Variants in PLEKHA6 observed in about 807,000 individuals in gnomAD.
The protein encoded by PLEKHA6 is pleckstrin homology domain-containing family A member 6.
PLEKHA6 carries 60 observed loss-of-function variants against 116.7 expected under a neutral mutation model. The ratio of observed to expected loss-of-function variants is 0.51; its 90% confidence interval spans 0.42 to 0.64. The LOEUF is 0.64. Among genes scored for constraint, PLEKHA6 ranks in the 30% least tolerant of loss-of-function variants. PLEKHA6 has a pLI of 0.00. For synonymous variants in PLEKHA6, 489 were observed against 556.1 expected, an observed-to-expected ratio of 0.88 and a Z score of 1.70; for missense variants, 1,338 against 1,422.7, an observed-to-expected ratio of 0.94 and a Z score of 0.96.
intron 1 of PLEKHA6, among the ~76,000 whole-genome samples, chr1:204,338,825 C>T (rs905192638): frequency 1.3e-5 from 2 of 152,182 alleles, no homozygotes; most frequent in Admixed American, 1.3e-4. Context: ...ATGGCCTCTC[C>T]TAAGGCAGAC....
At chr1:204,265,966 G>T (rs546905241) in intron 5 of PLEKHA6, among the ~76,000 whole-genome samples, 91 of 152,280 alleles carry the variant, frequency 6.0e-4, no homozygotes, top group African/African-American at 2.1e-3. Context: ...CAGTGGGGGG[G>T]ACAATTATGA....
chr1:204,301,360 G>C, intron 1 of PLEKHA6: 13 of 968,486 alleles, frequency 1.3e-5, no homozygotes, highest in Non-Finnish European at 1.6e-5. Context: ...CATGGGACAG[G>C]GGAGAGGATT....
intron 1 of PLEKHA6, chr1:204,297,906 T>A: frequency 2.0e-6 from 2 of 985,172 alleles, no homozygotes; most frequent in Non-Finnish European, 2.4e-6. Flanking sequence ...GAAGACGGCA[T>A]CTTGATCTAG....
At chr1:204,377,893 A>T (rs1214840826), upstream of PLEKHA6, 2 of 152,166 alleles carry the variant, frequency 1.3e-5, no homozygotes, top group Admixed American at 6.5e-5. Flanking sequence ...GCAAGCGCTT[A>T]ACCCTGGCCG....
At chr1:204,328,731 G>A (rs544164511) in intron 1 of PLEKHA6, among the ~76,000 whole-genome samples, 28 of 152,336 alleles carry the variant, frequency 1.8e-4, no homozygotes, top group African/African-American at 6.5e-4. Context: ...TCCCTGTGCA[G>A]TGTCTGCACA....
intron 1 of PLEKHA6, among the ~76,000 whole-genome samples, chr1:204,342,788 C>CAA: frequency 6.6e-6 from 1 of 152,204 alleles, no homozygotes; most frequent in Non-Finnish European, 1.5e-5. Context: ...AGGAAGTTCC[C>CAA]AACAGTAAGT....
intron 1 of PLEKHA6, chr1:204,313,745 G>A: frequency 1.0e-6 from 1 of 979,380 alleles, no homozygotes. Flanking sequence ...TGGGAGACAT[G>A]GTCATTAGCA....
At chr1:204,334,293 G>T (rs1672561226) in intron 1 of PLEKHA6, among the ~76,000 whole-genome samples, 2 of 152,166 alleles carry the variant, frequency 1.3e-5, no homozygotes, top group Admixed American at 1.3e-4. Context: ...CAAAGCCTTT[G>T]TATCCTGCTC....
chr1:204,233,125 T>C (rs966978990), intron 17 of PLEKHA6, among the ~76,000 whole-genome samples: 3 of 151,836 alleles, frequency 2.0e-5, no homozygotes, highest in African/African-American at 7.2e-5. Flanking sequence ...CTTATGCTTG[T>C]CCTCCACCAT....
chr1:204,273,496 A>G, intron 3 of PLEKHA6, 130 bp downstream of exon 3: 1 of 681,464 alleles, frequency 1.5e-6, no homozygotes, highest in South Asian at 1.7e-5. Flanking sequence ...TTCCTGGGTC[A>G]CCTTGCCTAC....
intron 9 of PLEKHA6, chr1:204,251,421 C>A: frequency 1.6e-6 from 1 of 620,856 alleles, no homozygotes; most frequent in South Asian, 1.9e-5. Context: ...TGTCTCCAGG[C>A]AGATGAGCGG....
rs544763623 is a variant in PLEKHA6 at position 204,256,817 on chromosome 1, C to T, written c.1524+536G>A. ...AAGGACGTACCATCTTATCGTGGACCGTGGGGGATGGTGGGTAGTTGTAGG... is the reference window on the plus strand; with the variant it reads ...AAGGACGTACCATCTTATCGTGGACTGTGGGGGATGGTGGGTAGTTGTAGG... On this transcript the variant is annotated intron_variant, in intron 9 of 22. Transcript: ENST00000272203. The T allele has an allele frequency of 1.9e-4, 125 of 652,112 alleles. 1 individual carries two copies. Among genetic ancestry groups the T allele is most frequent in the South Asian group, 1.5e-3 (88 of 59,028 alleles). 40.4% of individuals were successfully genotyped at this position (652,112 alleles called of 1,614,324 possible).
chr1:204,297,785 T>C (rs1376065047), intron 1 of PLEKHA6: 1 of 564,482 alleles, frequency 1.8e-6, no homozygotes, highest in East Asian at 1.5e-4. Flanking sequence ...CAGTCCCCTC[T>C]ACATTGCTAA....
At chr1:204,342,088 G>A (rs1672866796) in intron 1 of PLEKHA6, among the ~76,000 whole-genome samples, 1 of 152,226 alleles carries the variant, frequency 6.6e-6, no homozygotes, top group African/African-American at 2.4e-5. Flanking sequence ...GGGAGGCTGA[G>A]GCAGGAGGAT....
At chr1:204,262,565 C>A (rs1666264490) in intron 6 of PLEKHA6, among the ~76,000 whole-genome samples, 1 of 152,096 alleles carries the variant, frequency 6.6e-6, no homozygotes, top group Non-Finnish European at 1.5e-5. Flanking sequence ...GCCTCTGACC[C>A]CTTGAGCCCT....
At chr1:204,256,866 C>T (rs527490050) in intron 9 of PLEKHA6, 36 of 657,440 alleles carry the variant, frequency 5.5e-5, no homozygotes, top group African/African-American at 5.4e-4. Context: ...AGGGACTGGC[C>T]GCCTGTCTCC....
rs1302042213 is a variant in PLEKHA6 at position 204,222,381 on chromosome 1, A to C, written c.*407T>G. The C allele has an allele frequency of 6.5e-6, 1 of 152,740 alleles. No homozygotes were observed. The highest frequency in any genetic ancestry group is 2.4e-5 in the African/African-American group (1 of 41,446). The allele number at this position is 152,740 out of a possible 1,614,324, so 9.5% of individuals were successfully genotyped here. A position where few individuals can be genotyped will look rare whatever the true frequency, so the allele number is the denominator to read the frequency against. ...CATCTCCTCTTCACCTCTAGTCCTC[A>C]CATAAGATAGCCACAGGTGTGTTCT... On this transcript the variant is annotated 3_prime_UTR_variant, in exon 23 of 23. Transcript: ENST00000272203.
intron 18 of PLEKHA6, 145 bp from the exon 19 acceptor site, chr1:204,229,249 T>C: frequency 1.3e-6 from 1 of 767,054 alleles, no homozygotes; most frequent in East Asian, 2.7e-5. Flanking sequence ...TGCAGAACTA[T>C]CTTCCTTCCT....
chr1:204,297,799 T>A (rs1461431550), intron 1 of PLEKHA6: 1 of 676,764 alleles, frequency 1.5e-6, no homozygotes, highest in East Asian at 1.4e-4. Flanking sequence ...TTGCTAACTA[T>A]GAGCTGTTTC....
Sources: gnomAD v4.1 joint callset for allele counts (sites outside exome capture counted in the v4.1 genomes callset) on GRCh38, gnomAD v4.1.1 for gene constraint, MANE v1.5 for transcripts, NCBI Gene and HGNC (gene_info 2026-07-23, HGNC 2026-07-21) for gene names.